Variants in PLXDC2 observed in about 807,000 individuals in gnomAD.
The protein encoded by PLXDC2 is plexin domain-containing protein 2.
A neutral mutation model predicts 68.9 loss-of-function variants in PLXDC2; 40 were observed. The observed-to-expected ratio is 0.58, with a 90% CI of 0.45 to 0.76. The LOEUF (loss-of-function observed/expected upper bound fraction) is 0.76, where lower values mean the gene tolerates loss of function less well. PLXDC2 is among the 30% of genes least tolerant of loss of function. PLXDC2 has a pLI of 0.00. For synonymous variants in PLXDC2, 243 were observed against 234.2 expected, an observed-to-expected ratio of 1.04 and a Z score of -0.34; for missense variants, 644 against 661.9, an observed-to-expected ratio of 0.97 and a Z score of 0.30.
At position 20,001,981 on chromosome 10, in the gene PLXDC2, A is replaced by G. The variant is rs1168844830; in HGVS notation, c.319A>G (p.Ile107Val). The part of the protein sequence containing the change: ...LDDGQDNNTQ[I>V]EEDTDHNYYI... ...TGATGGGCAGGACAATAACACTCAGATCGAGGTAGATAAATAGTCTGGGTA... is the reference window on the plus strand; with the variant it reads ...TGATGGGCAGGACAATAACACTCAGGTCGAGGTAGATAAATAGTCTGGGTA... Residue 107 changes from isoleucine (I) to valine (V), a missense_variant, in exon 2 of 14, where the codon ATC becomes GTC. Ile to Val is a conservative substitution (Grantham distance 29). Around this residue, in one of 3 missense-constraint regions of PLXDC2, gnomAD observed 201 missense variants for 166.9 expected, o/e 1.20. Transcript: ENST00000377252. 1 of 1,611,366 alleles carries G rather than the reference A, an allele frequency of 6.2e-7. No individual in the cohort carries two copies. Among genetic ancestry groups the G allele is most frequent in the Non-Finnish European group, 8.5e-7 (1 of 1,179,524 alleles).
intron 4 of PLXDC2, among the ~76,000 whole-genome samples, chr10:20,107,669 A>G (rs1833509518): frequency 6.6e-6 from 1 of 152,202 alleles, no homozygotes; most frequent in Non-Finnish European, 1.5e-5. Context: ...GACTTTCACC[A>G]GTCTTCCTGA....
intron 9 of PLXDC2, among the ~76,000 whole-genome samples, chr10:20,188,349 A>T (rs1834714406): frequency 6.6e-6 from 1 of 151,682 alleles, no homozygotes; most frequent in South Asian, 2.1e-4. Flanking sequence ...GTGTGAGAAC[A>T]TGCGGTACTC....
chr10:19,860,881 A>G (rs1391015024), intron 1 of PLXDC2, among the ~76,000 whole-genome samples: 1 of 151,942 alleles, frequency 6.6e-6, no homozygotes, highest in African/African-American at 2.4e-5. Context: ...CTTTACTCCT[A>G]CTCTGTGCAA....
intron 2 of PLXDC2, among the ~76,000 whole-genome samples, chr10:20,033,509 A>T (rs1460707054): frequency 6.6e-6 from 1 of 152,216 alleles, no homozygotes; most frequent in Non-Finnish European, 1.5e-5. Context: ...TGGGTAATTC[A>T]TAAAGGAAAG....
At chr10:20,221,097 C>A (rs1835205775) in intron 12 of PLXDC2, among the ~76,000 whole-genome samples, 1 of 152,060 alleles carries the variant, frequency 6.6e-6, no homozygotes, top group Non-Finnish European at 1.5e-5. Context: ...CCCGTCTCGA[C>A]CTCCCAAAGT....
intron 10 of PLXDC2, among the ~76,000 whole-genome samples, chr10:20,212,371 A>G (rs16920098): frequency 0.2 from 29,900 of 152,024 alleles, 3,375 homozygotes; most frequent in East Asian, 0.42. Flanking sequence ...GGGAAACATG[A>G]TAGAGACAAG....
intron 2 of PLXDC2, among the ~76,000 whole-genome samples, chr10:20,014,307 CG>C (rs1376120761): frequency 7.2e-6 from 1 of 138,812 alleles, no homozygotes; most frequent in Non-Finnish European, 1.5e-5. Flanking sequence ...TTCCTTCCCT[CG>C]CCCCACTTTC....
intron 1 of PLXDC2, among the ~76,000 whole-genome samples, chr10:19,942,680 C>T (rs114876699): frequency 6.6e-6 from 1 of 152,174 alleles, no homozygotes; most frequent in African/African-American, 2.4e-5. Flanking sequence ...AGGAGAATCC[C>T]TTGAACCTGG....
At chr10:20,122,693 G>A (rs1434159726) in intron 4 of PLXDC2, among the ~76,000 whole-genome samples, 3 of 152,218 alleles carry the variant, frequency 2.0e-5, no homozygotes, top group Admixed American at 6.5e-5. Flanking sequence ...AAGTTCTTGT[G>A]TGCTGGAGAT....
At chr10:20,024,455 T>C (rs983561350) in intron 2 of PLXDC2, among the ~76,000 whole-genome samples, 3 of 152,224 alleles carry the variant, frequency 2.0e-5, no homozygotes, top group African/African-American at 7.2e-5. Context: ...ATCTTTGGTC[T>C]CCAATTGAAC....
intron 3 of PLXDC2, among the ~76,000 whole-genome samples, chr10:20,051,747 G>A (rs1988634): frequency 0.014 from 2,077 of 151,848 alleles, 38 homozygotes; most frequent in African/African-American, 0.045. Flanking sequence ...GAAAATTTGC[G>A]TTTCTGACAA....
rs146652175 is a variant in PLXDC2, at chr10:19,935,462, G to T, written c.113-66313G>T. The stretch of plus-strand genomic sequence containing the variant: ...CCTTTCATCTTAGAGAGAAATATGG[G>T]CTGTGAGAGTTGGCCAGAGGAGGTG... On this transcript the variant is annotated intron_variant, in intron 1 of 13. Coordinates refer to ENST00000377252, the MANE Select transcript of PLXDC2 (RefSeq NM_032812.9). 3.7e-4 allele frequency among the ~76,000 whole-genome samples: 57 copies of T among 152,322 alleles called. 1 individual carries two copies. In the East Asian group the frequency reaches 0.01, roughly 28 times the overall value.
intron 1 of PLXDC2, among the ~76,000 whole-genome samples, chr10:19,881,616 G>C (rs951921291): frequency 1.3e-5 from 2 of 152,280 alleles, no homozygotes; most frequent in South Asian, 2.1e-4. Flanking sequence ...TTAACGGAAA[G>C]TTCCTACTTT....
intron 6 of PLXDC2, among the ~76,000 whole-genome samples, chr10:20,158,892 A>G (rs7086733): frequency 0.93 from 141,076 of 152,154 alleles, 65,490 homozygotes; most frequent in Non-Finnish European, 0.95. Context: ...ATGACATTAG[A>G]CATTTAATTC....
At chr10:19,983,721 C>A (rs1188555260) in intron 1 of PLXDC2, among the ~76,000 whole-genome samples, 2 of 152,162 alleles carry the variant, frequency 1.3e-5, no homozygotes, top group Non-Finnish European at 2.9e-5. Context: ...TATAACCTTG[C>A]TGCTCAAAGT....
chr10:19,838,155 G>T (rs747425909), intron 1 of PLXDC2, among the ~76,000 whole-genome samples: 38 of 152,006 alleles, frequency 2.5e-4, no homozygotes, highest in Non-Finnish European at 4.3e-4. Flanking sequence ...TAAAGACAGG[G>T]TCTTGCTATG....
intron 13 of PLXDC2, among the ~76,000 whole-genome samples, chr10:20,257,997 C>CTTTTTT (rs550997528): frequency 4.9e-4 from 41 of 84,344 alleles, no homozygotes; most frequent in African/African-American, 1.0e-3. Context: ...TTTTTTCTTT[C>CTTTTTT]TTTTTTTTTT....
chr10:20,268,257 CA>C lies in PLXDC2; in HGVS notation c.1474-11442del, dbSNP rs572423081. 4.2e-3 allele frequency among the ~76,000 whole-genome samples: 637 copies of C among 152,166 alleles called. 2 individuals carry two copies. Among genetic ancestry groups the C allele is most frequent in the Non-Finnish European group, 6.8e-3 (462 of 67,968 alleles). ...ACGTGACAGTATGTGCCCAAAATTG[CA>C]AAATAAGTAAATCAAGTTCCTCAGA... On this transcript the variant is annotated intron_variant, in intron 13 of 13. Transcript: ENST00000377252.
chr10:19,867,499 G>A (rs376025956), intron 1 of PLXDC2, among the ~76,000 whole-genome samples: 2 of 152,084 alleles, frequency 1.3e-5, no homozygotes, highest in Non-Finnish European at 2.9e-5. Flanking sequence ...CCAAACATCG[G>A]GTAACTTTAA....
Sources: gnomAD v4.1 joint callset for allele counts (sites outside exome capture counted in the v4.1 genomes callset) on GRCh38, gnomAD v4.1.1 for gene constraint, gnomAD v4.1.1 regional missense constraint, MANE v1.5 for transcripts, NCBI Gene and HGNC (gene_info 2026-07-23, HGNC 2026-07-21) for gene names.